EYA1: variants seen among roughly 807,000 people sequenced by gnomAD.
EYA1 encodes EYA transcriptional coactivator and phosphatase 1.
EYA1 carries 16 observed loss-of-function variants against 82.0 expected under a neutral mutation model. That is an observed-to-expected ratio of 0.20 (90% CI 0.13 to 0.30). The LOEUF is 0.30. Among genes scored for constraint, EYA1 ranks in the 10% least tolerant of loss-of-function variants. The pLI, the probability that EYA1 is intolerant of heterozygous loss-of-function variation, is 1.00. For missense variants in EYA1, 633 were observed against 730.7 expected (o/e 0.87, Z 1.54); for synonymous variants, 261 against 264.4 (o/e 0.99, Z 0.12).
intron 2 of EYA1, among the ~76,000 whole-genome samples, chr8:71,482,460 C>G (rs564252633): frequency 6.6e-6 from 1 of 152,268 alleles, no homozygotes; most frequent in East Asian, 1.9e-4. Flanking sequence ...CTGGTTCAAC[C>G]ACATTGAAAA....
chr8:71,435,622 C>T (rs1250178686), intron 2 of EYA1, among the ~76,000 whole-genome samples: 1 of 152,076 alleles, frequency 6.6e-6, no homozygotes, highest in Non-Finnish European at 1.5e-5. Flanking sequence ...TTAACCATGT[C>T]TATGGTATTT....
chr8:71,220,834 G>A (rs1410008730), intron 12 of EYA1, among the ~76,000 whole-genome samples: 1 of 152,300 alleles, frequency 6.6e-6, no homozygotes, highest in African/African-American at 2.4e-5. Flanking sequence ...CTGGTGTAAG[G>A]AGGTAGGAGG....
chr8:71,313,533 C>T lies in EYA1; in HGVS notation c.556+4019G>A, dbSNP rs146022821. On this transcript the variant is annotated intron_variant, in intron 7 of 17. Coordinates refer to ENST00000340726, the MANE Select transcript of EYA1 (RefSeq NM_000503.6). ...GCAATGAGAGCAGTAAAATTGACAA[C>T]AATCATTTGAGTTCTTACTATGTAC... Among the ~76,000 whole-genome samples, 246 of 152,202 alleles carry T rather than the reference C, an allele frequency of 1.6e-3. 1 individual carries two copies. The highest frequency in any genetic ancestry group is 5.4e-3 in the African/African-American group (224 of 41,544).
intron 2 of EYA1, among the ~76,000 whole-genome samples, chr8:71,527,772 C>G (rs1173681850): frequency 1.3e-5 from 2 of 152,146 alleles, no homozygotes; most frequent in East Asian, 3.8e-4. Flanking sequence ...GGACTCTGTT[C>G]CATATGTCTA....
In EYA1 at chr8:71,216,810, G is replaced by A; in HGVS notation, c.1242C>T (p.Thr414=). 1 of 1,614,116 alleles carries A rather than the reference G, an allele frequency of 6.2e-7. No individual in the cohort carries two copies. Among genetic ancestry groups the A allele is most frequent in the Non-Finnish European group, 8.5e-7 (1 of 1,180,012 alleles). Residue 414 remains threonine, a synonymous_variant, in exon 14 of 18, where the codon ACC becomes ACT. Transcript: ENST00000340726. The stretch of plus-strand genomic sequence containing the variant: ...CAGTTGCCAAACATAAGTTAGCACT[G>A]GTTGCTGCAGCAGGAAAGCCATCTG... ...FGTDGFPAAA[T]SANLCLATGV...
intron 7 of EYA1, among the ~76,000 whole-genome samples, chr8:71,316,876 G>A (rs918610409): frequency 6.6e-6 from 1 of 152,178 alleles, no homozygotes; most frequent in African/African-American, 2.4e-5. Context: ...AGATAACAAT[G>A]TGCTAACTTT....
intron 8 of EYA1, 143 bp downstream of exon 8, chr8:71,299,493 CAA>C: frequency 1.4e-6 from 1 of 706,916 alleles, no homozygotes; most frequent in South Asian, 1.7e-5. Context: ...CAACTCACCA[CAA>C]AAGACTGCTA....
chr8:71,406,217 A>T (rs961886707), intron 2 of EYA1, among the ~76,000 whole-genome samples: 6 of 152,250 alleles, frequency 3.9e-5, no homozygotes, highest in African/African-American at 1.4e-4. Context: ...GATTTAAAAG[A>T]TATTAAACAA....
chr8:71,442,438 T>G (rs1392569850), intron 2 of EYA1, among the ~76,000 whole-genome samples: 1 of 152,204 alleles, frequency 6.6e-6, no homozygotes, highest in African/African-American at 2.4e-5. Flanking sequence ...CTTCTCCAAG[T>G]TGAACTAGAA....
intron 7 of EYA1, among the ~76,000 whole-genome samples, chr8:71,301,961 C>T (rs914769820): frequency 4.6e-5 from 7 of 151,494 alleles, no homozygotes; most frequent in African/African-American, 1.2e-4. Context: ...TCATTCTTTA[C>T]GTGCATATCA....
intron 2 of EYA1, among the ~76,000 whole-genome samples, chr8:71,462,768 G>A (rs1433400817): frequency 6.6e-6 from 1 of 152,218 alleles, no homozygotes; most frequent in Non-Finnish European, 1.5e-5. Context: ...GGCAGGTCCT[G>A]CCCAGGCATG....
At chr8:71,227,804 G>T (rs941417468) in intron 12 of EYA1, among the ~76,000 whole-genome samples, 2 of 152,100 alleles carry the variant, frequency 1.3e-5, no homozygotes, top group African/African-American at 4.8e-5. Context: ...ATTTTGTAAA[G>T]AAATATTTTC....
At chr8:71,442,808 G>A (rs1285057346) in intron 2 of EYA1, among the ~76,000 whole-genome samples, 1 of 152,196 alleles carries the variant, frequency 6.6e-6, no homozygotes, top group East Asian at 1.9e-4. Flanking sequence ...ACACACAGTG[G>A]GAACATGTGT....
intron 9 of EYA1, among the ~76,000 whole-genome samples, chr8:71,289,513 T>C (rs1293826119): frequency 1.3e-5 from 2 of 152,236 alleles, no homozygotes; most frequent in Non-Finnish European, 1.5e-5. Context: ...TTTAGGACTC[T>C]CTGTTTACAT....
At chr8:71,371,160 A>G (rs1828058950) in intron 2 of EYA1, among the ~76,000 whole-genome samples, 2 of 152,326 alleles carry the variant, frequency 1.3e-5, no homozygotes, top group South Asian at 4.1e-4. Context: ...ACAAGTCAGT[A>G]TAAGATGCAG....
At chr8:71,395,684 T>C (rs1257495909) in intron 2 of EYA1, among the ~76,000 whole-genome samples, 2 of 152,232 alleles carry the variant, frequency 1.3e-5, no homozygotes, top group Non-Finnish European at 2.9e-5. Context: ...TGCTGCAGGA[T>C]TCGGCTTGCC....
chr8:71,393,679 T>C (rs1829414925), intron 2 of EYA1, among the ~76,000 whole-genome samples: 2 of 152,230 alleles, frequency 1.3e-5, no homozygotes. Flanking sequence ...CCACATTTTC[T>C]TAATCCAGTC....
In EYA1 at chr8:71,377,947, A is replaced by AT. The variant is rs200390269; in HGVS notation, c.34-21437dup. Reference sequence around the variant, plus strand: ...TTGTCACAAAACCACCTTTTGCCTCATTTTTTTATTCTTCCATCTTGGTCT... The same window carrying AT: ...TTGTCACAAAACCACCTTTTGCCTCATTTTTTTTATTCTTCCATCTTGGTCT... On this transcript the variant is annotated intron_variant, in intron 2 of 18. Transcript: ENST00000643681. 4.1e-3 allele frequency among the ~76,000 whole-genome samples: 629 copies of AT among 152,064 alleles called. 26 individuals are homozygous for AT. The highest frequency in any genetic ancestry group is 0.039 in the Admixed American group (596 of 15,254).
At chr8:71,304,983 AG>A (rs1195215566) in intron 7 of EYA1, among the ~76,000 whole-genome samples, 3 of 143,024 alleles carry the variant, frequency 2.1e-5, no homozygotes, top group Non-Finnish European at 4.8e-5. Context: ...ACATTTGTGT[AG>A]AAGGCTGTCA....
Sources: allele counts gnomAD v4.1 joint callset (sites outside exome capture counted in the v4.1 genomes callset), GRCh38; gene constraint gnomAD v4.1.1; transcripts MANE v1.5; gene names NCBI Gene and HGNC (gene_info 2026-07-23, HGNC 2026-07-21).